BMAL1: variants seen among roughly 807,000 people sequenced by gnomAD.
BMAL1 encodes the protein basic helix-loop-helix ARNT like 1, also known as basic helix-loop-helix ARNT-like protein 1.
the BMAL1 span, among the ~76,000 whole-genome samples, chr11:13,343,144 C>T: frequency 7.2e-5 from 11 of 152,180 alleles, no homozygotes; most frequent in Non-Finnish European, 1.2e-4. Context: ...CAACATCACA[C>T]GGCTGGTAAA....
chr11:13,355,153 G>A, the BMAL1 span: 1 of 1,384,944 alleles, frequency 7.2e-7, no homozygotes, highest in Non-Finnish European at 1.0e-6. Context: ...CATTTAAGAG[G>A]TTTTCTTTTG....
At chr11:13,381,629 G>T in the BMAL1 span, among the ~76,000 whole-genome samples, 1 of 152,106 alleles carries the variant, frequency 6.6e-6, no homozygotes, top group Admixed American at 6.5e-5. Context: ...TAGTGTCTAG[G>T]GCAGGCAATG....
chr11:13,356,271 C>T, the BMAL1 span: 2 of 457,762 alleles, frequency 4.4e-6, no homozygotes, highest in East Asian at 6.9e-5. Flanking sequence ...TTAATTCCAC[C>T]CTCCTCACTT....
the BMAL1 span, among the ~76,000 whole-genome samples, chr11:13,382,300 A>AC: frequency 1.9e-4 from 29 of 151,454 alleles, no homozygotes; most frequent in Non-Finnish European, 8.8e-5. Flanking sequence ...ACAAAGTAAG[A>AC]CCTGGGTTCG....
chr11:13,376,593 T>A, the BMAL1 span: 1 of 1,589,794 alleles, frequency 6.3e-7, no homozygotes, highest in African/African-American at 1.3e-5. Flanking sequence ...GGTGCACAGT[T>A]CTGAGCAGGC....
chr11:13,361,757 C>G, the BMAL1 span, among the ~76,000 whole-genome samples: 1 of 152,060 alleles, frequency 6.6e-6, no homozygotes, highest in East Asian at 1.9e-4. Flanking sequence ...CAATAGGAAC[C>G]AGGTTCTTTG....
the BMAL1 span, chr11:13,349,908 C>T: frequency 6.6e-6 from 1 of 152,130 alleles, no homozygotes; most frequent in African/African-American, 2.4e-5. Flanking sequence ...TCAAAGTGAC[C>T]TGTCTGGGTT....
chr11:13,321,523 T>C, the BMAL1 span, among the ~76,000 whole-genome samples: 1 of 152,162 alleles, frequency 6.6e-6, no homozygotes, highest in Non-Finnish European at 1.5e-5. Flanking sequence ...TTTGCTGCCT[T>C]GCTTGGGGTC....
At chr11:13,367,730 ATGAG>A in the BMAL1 span, among the ~76,000 whole-genome samples, 135 of 151,040 alleles carry the variant, frequency 8.9e-4, 1 homozygote, top group Admixed American at 1.1e-3. Context: ...AAAAAAAAGA[ATGAG>A]AACACAAGGG....
At chr11:13,354,429 G>C in the BMAL1 span, 1 of 1,614,092 alleles carries the variant, frequency 6.2e-7, no homozygotes, top group Non-Finnish European at 8.5e-7. Context: ...CAAACGGAAA[G>C]GCAGCTCCAC....
the BMAL1 span, chr11:13,276,982 T>C: frequency 2.0e-5 from 3 of 152,240 alleles, no homozygotes; most frequent in African/African-American, 4.8e-5. Context: ...GGAAATGCAA[T>C]GGAATCGCTC....
At chr11:13,317,362 G>A in the BMAL1 span, among the ~76,000 whole-genome samples, 7 of 152,074 alleles carry the variant, frequency 4.6e-5, no homozygotes, top group Non-Finnish European at 1.0e-4. Context: ...GTCCTTTGTT[G>A]TTTTGTTTTT....
chr11:13,358,561 A>T, the BMAL1 span: 4 of 1,609,912 alleles, frequency 2.5e-6, no homozygotes, highest in Non-Finnish European at 3.4e-6. Context: ...TGTGCTAAGG[A>T]TGGCTGTTCA....
chr11:13,326,064 G>T, the BMAL1 span, among the ~76,000 whole-genome samples: 1 of 151,946 alleles, frequency 6.6e-6, no homozygotes, highest in Non-Finnish European at 1.5e-5. Context: ...TTAGCTGGGT[G>T]TGGTGGCACA....
chr11:13,377,479 C>T, the BMAL1 span, among the ~76,000 whole-genome samples: 1 of 152,196 alleles, frequency 6.6e-6, no homozygotes, highest in Non-Finnish European at 1.5e-5. Context: ...TGCTATTTCA[C>T]CCTCCTCATC....
the BMAL1 span, among the ~76,000 whole-genome samples, chr11:13,289,252 T>TA: frequency 7.9e-5 from 12 of 152,282 alleles, no homozygotes; most frequent in South Asian, 2.1e-3. Flanking sequence ...TACTGGCCCT[T>TA]ACAGGAATAG....
chr11:13,326,365 T>G, the BMAL1 span: 1 of 152,202 alleles, frequency 6.6e-6, no homozygotes, highest in African/African-American at 2.4e-5. Flanking sequence ...TGCTGTACCA[T>G]CTGTATAGCT....
At chr11:13,376,722 G>A in the BMAL1 span, 1 of 1,613,634 alleles carries the variant, frequency 6.2e-7, no homozygotes, top group South Asian at 1.1e-5. Context: ...GCTGCCCTCT[G>A]GAGAAGGTAA....
At chr11:13,305,601 G>A in the BMAL1 span, among the ~76,000 whole-genome samples, 2 of 151,658 alleles carry the variant, frequency 1.3e-5, no homozygotes, top group African/African-American at 4.8e-5. Flanking sequence ...ATTTCTTTTT[G>A]TTGCCTGATT....
Sources: allele counts gnomAD v4.1 joint callset (sites outside exome capture counted in the v4.1 genomes callset), GRCh38; gene constraint gnomAD v4.1.1; transcripts MANE v1.5; gene names NCBI Gene and HGNC (gene_info 2026-07-23, HGNC 2026-07-21).